The following CDH11 variants were observed in gnomAD, a reference collection of about 807,000 sequenced individuals.
CDH11 encodes cadherin-11.
In CDH11, 11 loss-of-function variants were observed where a neutral mutation model predicts 67.8. The observed-to-expected ratio is 0.16, with a 90% CI of 0.10 to 0.27. CDH11 has a LOEUF of 0.27. Ranked by LOEUF, CDH11 falls within the 10% of genes least tolerant of loss-of-function variation. The probability of loss-of-function intolerance (pLI) is 1.00; values close to 1 mark genes in which losing one functional copy is unlikely to be tolerated. For synonymous variants in CDH11, 419 were observed against 400.0 expected, an observed-to-expected ratio of 1.05 and a Z score of -0.57; for missense variants, 847 against 1,031.2, an observed-to-expected ratio of 0.82 and a Z score of 2.45.
chr16:65,077,346 G>A (rs2074530654), intron 1 of CDH11, among the ~76,000 whole-genome samples: 1 of 152,200 alleles, frequency 6.6e-6, no homozygotes, highest in Non-Finnish European at 1.5e-5. Context: ...CCTGGCATGA[G>A]GTAGAAGCTC....
chr16:65,047,540 C>T (rs899599167), intron 2 of CDH11, among the ~76,000 whole-genome samples: 6 of 151,792 alleles, frequency 4.0e-5, no homozygotes, highest in African/African-American at 9.7e-5. Context: ...TTAGTAGAGA[C>T]GGGATTTCAC....
chr16:65,085,556 G>A (rs1396797107), intron 1 of CDH11, among the ~76,000 whole-genome samples: 2 of 152,190 alleles, frequency 1.3e-5, no homozygotes, highest in Admixed American at 6.5e-5. Context: ...GTCAAAATTA[G>A]TCCTAGAGGC....
chr16:64,996,934 C>T (rs2072783872), intron 4 of CDH11, among the ~76,000 whole-genome samples: 1 of 152,106 alleles, frequency 6.6e-6, no homozygotes, highest in African/African-American at 2.4e-5. Context: ...CTGTTCACTA[C>T]CTGAGTGATG....
At chr16:65,089,563 A>T (rs1162702005) in intron 1 of CDH11, among the ~76,000 whole-genome samples, 1 of 152,136 alleles carries the variant, frequency 6.6e-6, no homozygotes, top group Non-Finnish European at 1.5e-5. Context: ...AAAATAAAGG[A>T]TGTGTAACTG....
At chr16:65,001,204 T>C (rs2072912277) in intron 3 of CDH11, among the ~76,000 whole-genome samples, 1 of 152,232 alleles carries the variant, frequency 6.6e-6, no homozygotes, top group African/African-American at 2.4e-5. Context: ...CCTCTTTGTT[T>C]CTAGGGGGAA....
At chr16:65,023,182 C>A (rs906571314) in intron 2 of CDH11, among the ~76,000 whole-genome samples, 4 of 152,210 alleles carry the variant, frequency 2.6e-5, no homozygotes, top group Admixed American at 2.0e-4. Flanking sequence ...TGGGAGACTG[C>A]ATCAGGCTAC....
rs141644062 is a variant in CDH11 at position 64,991,772 on chromosome 16, C to T, written c.807G>A (p.Pro269=). 79 of 1,611,734 alleles carry T rather than the reference C, an allele frequency of 4.9e-5. 1 individual carries two copies. Among genetic ancestry groups the T allele is most frequent in the Middle Eastern group, 1.6e-4 (1 of 6,072 alleles). The change falls in exon 6 of 13, where the codon CCG becomes CCA. Residue 269 remains proline, a synonymous_variant. Transcript: ENST00000268603. Reference sequence around the variant, plus strand: ...AAGCCAAGTCCACCTACTTACTCTGCGGAAACTTTGGTGGGTTGTCATTGA... The same window carrying T: ...AAGCCAAGTCCACCTACTTACTCTGTGGAAACTTTGGTGGGTTGTCATTGA... ...TDVNDNPPKF[P]QSVYQMSVSE... is the part of the protein sequence containing the mutation.
At chr16:65,039,487 C>T (rs1011134045) in intron 2 of CDH11, among the ~76,000 whole-genome samples, 2 of 152,124 alleles carry the variant, frequency 1.3e-5, no homozygotes, top group African/African-American at 4.8e-5. Context: ...ATAAATGGTG[C>T]TGGGAAAACT....
At chr16:64,988,049 G>T in intron 7 of CDH11, 108 bp downstream of exon 7, 1 of 826,542 alleles carries the variant, frequency 1.2e-6, no homozygotes, top group East Asian at 2.7e-5. Flanking sequence ...GTCAGCCCCT[G>T]GTTTCGCAAA....
At chr16:65,093,752 C>T (rs1282866813) in intron 1 of CDH11, among the ~76,000 whole-genome samples, 2 of 152,066 alleles carry the variant, frequency 1.3e-5, no homozygotes, top group Non-Finnish European at 2.9e-5. Flanking sequence ...TGCTAATAAT[C>T]TGGAGAAGGA....
chr16:64,985,068 A>G (rs1441072028), intron 7 of CDH11: 3 of 152,164 alleles, frequency 2.0e-5, no homozygotes, highest in African/African-American at 7.2e-5. Flanking sequence ...ATTTAGTCAA[A>G]GGTGCTGCGT....
At chr16:64,988,422 T>A in intron 6 of CDH11, 78 bp from the exon 7 acceptor site, 3 of 1,286,318 alleles carry the variant, frequency 2.3e-6, no homozygotes, top group Non-Finnish European at 3.2e-6. Flanking sequence ...TGAATCCCAA[T>A]AAATTTCTCA....
intron 2 of CDH11, among the ~76,000 whole-genome samples, chr16:65,030,519 G>A (rs950566062): frequency 6.6e-6 from 1 of 152,120 alleles, no homozygotes; most frequent in African/African-American, 2.4e-5. Flanking sequence ...CCTCACAAAA[G>A]CAACGTTGTT....
chr16:65,014,023 GC>G (rs1265725540), intron 2 of CDH11, among the ~76,000 whole-genome samples: 2 of 152,160 alleles, frequency 1.3e-5, no homozygotes, highest in Non-Finnish European at 2.9e-5. Context: ...CTGGTCCACA[GC>G]AGGTAATTAA....
intron 2 of CDH11, among the ~76,000 whole-genome samples, chr16:65,025,413 C>T (rs1040100105): frequency 1.3e-5 from 2 of 152,142 alleles, no homozygotes; most frequent in Non-Finnish European, 2.9e-5. Flanking sequence ...CTTGGCTTCA[C>T]TGCAACCTCT....
intron 2 of CDH11, among the ~76,000 whole-genome samples, chr16:65,019,755 A>G (rs1034794760): frequency 6.6e-6 from 1 of 152,102 alleles, no homozygotes; most frequent in African/African-American, 2.4e-5. Context: ...ATATTGAATA[A>G]TATCCTTTTA....
At chr16:65,027,002 G>T (rs1459211095) in intron 2 of CDH11, among the ~76,000 whole-genome samples, 1 of 152,144 alleles carries the variant, frequency 6.6e-6, no homozygotes, top group Non-Finnish European at 1.5e-5. Flanking sequence ...TTGTCAAAGG[G>T]ATTGCTTTGG....
intron 1 of CDH11, among the ~76,000 whole-genome samples, chr16:65,098,869 G>A (rs2074943086): frequency 6.6e-6 from 1 of 152,004 alleles, no homozygotes; most frequent in African/African-American, 2.4e-5. Context: ...GGTGGGGCGT[G>A]TAGTCTTCTA....
chr16:64,964,490 G>A (rs1288946853), intron 11 of CDH11, among the ~76,000 whole-genome samples: 2 of 152,172 alleles, frequency 1.3e-5, no homozygotes, highest in African/African-American at 4.8e-5. Flanking sequence ...CACTGAGTGA[G>A]TGAATGTGAA....
Sources: allele counts gnomAD v4.1 joint callset (sites outside exome capture counted in the v4.1 genomes callset), GRCh38; gene constraint gnomAD v4.1.1; transcripts MANE v1.5; gene names NCBI Gene and HGNC (gene_info 2026-07-23, HGNC 2026-07-21).